LCORL: variants seen among roughly 807,000 people sequenced by gnomAD.
The protein encoded by LCORL is ligand dependent nuclear receptor corepressor like, also known as ligand-dependent nuclear receptor corepressor-like protein.
LCORL carries 41 observed loss-of-function variants against 141.8 expected under a neutral mutation model. That is an observed-to-expected ratio of 0.29 (90% CI 0.23 to 0.38). The LOEUF is 0.38. Ranked by LOEUF, LCORL falls within the 10% of genes least tolerant of loss-of-function variation. The pLI, the probability that LCORL is intolerant of heterozygous loss-of-function variation, is 1.00. For missense variants in LCORL, 1,759 were observed against 2,035.0 expected, an observed-to-expected ratio of 0.86 and a Z score of 2.61; for synonymous variants, 618 against 694.1, an observed-to-expected ratio of 0.89 and a Z score of 1.72.
In LCORL at chr4:18,001,974, CAT is replaced by C. The variant is rs552901277; in HGVS notation, c.154+19622_154+19623del. The stretch of plus-strand genomic sequence containing the variant: ...ATGTTTATCTATATCCATCCACACA[CAT>C]ATGTTTGTTTCTCTAAAATTCAGAT... On this transcript the variant is annotated intron_variant, in intron 1 of 7. Coordinates refer to ENST00000635767, the Ensembl canonical transcript of LCORL. 5.4e-3 allele frequency among the ~76,000 whole-genome samples: 823 copies of C among 152,310 alleles called. 2 individuals carry two copies. Among genetic ancestry groups the C allele is most frequent in the Non-Finnish European group, 8.5e-3 (579 of 68,002 alleles).
chr4:18,006,891 T>C (rs1451008743), intron 1 of LCORL, among the ~76,000 whole-genome samples: 1 of 152,178 alleles, frequency 6.6e-6, no homozygotes, highest in East Asian at 1.9e-4. Context: ...TATATCCTAC[T>C]CTGGATAATG....
chr4:17,884,796 A>C lies in LCORL; in HGVS notation c.776+1272T>G. Reference sequence around the variant, plus strand: ...ACGATGGTAAACTGATGCATGAGAGACTCTCACACAGCTATGGAAGGGGAG... The same window carrying C: ...ACGATGGTAAACTGATGCATGAGAGCCTCTCACACAGCTATGGAAGGGGAG... On this transcript the variant is annotated intron_variant, in intron 6 of 7. Coordinates refer to ENST00000635767, the Ensembl canonical transcript of LCORL. This position sits in a 1 kb window ranked among gnomAD's most constrained non-coding sequence, Gnocchi z 4.4. 9.2e-7 allele frequency: 1 copy of C among 1,085,544 alleles called. No homozygotes were observed. The allele number at this position is 1,085,544 out of a possible 1,614,324, so 67.2% of individuals were successfully genotyped here.
intron 1 of LCORL, among the ~76,000 whole-genome samples, chr4:17,999,139 A>T (rs530033781): frequency 7.1e-4 from 107 of 150,972 alleles, no homozygotes; most frequent in Non-Finnish European, 1.3e-3. Context: ...TTGTACTAGC[A>T]TTACTACAAA....
intron 5 of LCORL, chr4:17,893,652 G>A: frequency 1.1e-6 from 1 of 939,546 alleles, no homozygotes; most frequent in Non-Finnish European, 1.3e-6. Context: ...TTTTGCTACA[G>A]TAGGTAAAGC....
At chr4:17,942,659 T>A (rs1577493188) in intron 4 of LCORL, among the ~76,000 whole-genome samples, 1 of 152,194 alleles carries the variant, frequency 6.6e-6, no homozygotes, top group Admixed American at 6.5e-5. Context: ...AATATAACTA[T>A]GATACTTGCT....
chr4:17,992,143 A>AT (rs1162858279), intron 1 of LCORL, among the ~76,000 whole-genome samples: 5 of 152,358 alleles, frequency 3.3e-5, no homozygotes, highest in Admixed American at 3.3e-4. Context: ...AAGAGGGTTA[A>AT]TTGACTCACA....
At chr4:17,843,346 T>A in exon 8 of LCORL, 2 of 1,611,968 alleles carry the variant, frequency 1.2e-6, no homozygotes, top group Non-Finnish European at 1.7e-6. Context: ...AAGATGAGAC[T>A]ACCAAGACGA....
intron 5 of LCORL, among the ~76,000 whole-genome samples, chr4:17,896,575 C>T (rs1260611637): frequency 1.3e-5 from 2 of 152,142 alleles, no homozygotes; most frequent in African/African-American, 4.8e-5. Context: ...AGCCACCACG[C>T]CTGGCCTGTG....
intron 5 of LCORL, among the ~76,000 whole-genome samples, chr4:17,896,245 GTCTT>G (rs753778008): frequency 1.1e-4 from 17 of 152,006 alleles, no homozygotes; most frequent in Admixed American, 3.3e-4. Context: ...GTGAAACAAT[GTCTT>G]TCTTTCTTTC....
rs1317612030 is a variant in LCORL, at chr4:17,881,962, T to C, written c.777-3749A>G. On this transcript the variant is annotated intron_variant, in intron 6 of 7. Transcript: ENST00000635767. ...ACATCTGCTGTTCTGTAATCTATTA[T>C]GTATATTTTCTTGGGGTGAAAAAAA... 10 of 982,028 alleles carry C rather than the reference T, an allele frequency of 1.0e-5. No homozygotes were observed. In the East Asian group the frequency reaches 3.4e-4, roughly 34 times the overall value. 60.8% of individuals were successfully genotyped at this position (982,028 alleles called of 1,614,324 possible). A position where few individuals can be genotyped will look rare whatever the true frequency, so the allele number is the denominator to read the frequency against.
intron 4 of LCORL, among the ~76,000 whole-genome samples, chr4:17,910,884 A>T (rs536242992): frequency 6.6e-6 from 1 of 152,184 alleles, no homozygotes; most frequent in Non-Finnish European, 1.5e-5. Flanking sequence ...TGAAAGAGGG[A>T]ACTATGGGCC....
exon 7 of LCORL, chr4:17,873,708 T>C: frequency 2.4e-6 from 3 of 1,233,116 alleles, no homozygotes; most frequent in Non-Finnish European, 3.0e-6. Flanking sequence ...ATGAGTCTGA[T>C]GAGTATTTCC....
rs1051310361 is a variant in LCORL, at chr4:17,877,621, C to T, written c.1369G>A (p.Val457Ile). Residue 457 changes from valine to isoleucine, a missense_variant, in exon 7 of 8, where the codon GTC (valine) becomes ATC (isoleucine). Val to Ile is a conservative substitution (Grantham distance 29). Transcript: ENST00000635767. ...TCTAAGGCTGAAATCTCTGAGATGACGTCTTTCAATTTTTCAAATCCTTCA... is the reference window on the plus strand; with the variant it reads ...TCTAAGGCTGAAATCTCTGAGATGATGTCTTTCAATTTTTCAAATCCTTCA... 3.3e-5 allele frequency: 40 copies of T among 1,230,370 alleles called. No individual in the cohort carries two copies. The African/African-American group carries it at 4.5e-4, about 14-fold the overall frequency. 76.2% of individuals were successfully genotyped at this position (1,230,370 alleles called of 1,614,324 possible). A position where few individuals can be genotyped will look rare whatever the true frequency, so the allele number is the denominator to read the frequency against.
In LCORL at chr4:17,862,902, G is replaced by C. The variant is rs142745385; in HGVS notation, c.5602+10486C>G. Among the ~76,000 whole-genome samples, 3 of 152,300 alleles carry C rather than the reference G, an allele frequency of 2.0e-5. No homozygotes were observed. The East Asian group carries it at 5.8e-4, about 29-fold the overall frequency. ...ACCTAATTAAACTAAATTATCAATAGAGTAAACAGACAACTGACAGAATGG... is the reference window on the plus strand; with the variant it reads ...ACCTAATTAAACTAAATTATCAATACAGTAAACAGACAACTGACAGAATGG... On this transcript the variant is annotated intron_variant, in intron 7 of 7. Coordinates refer to ENST00000635767, the Ensembl canonical transcript of LCORL.
intron 4 of LCORL, among the ~76,000 whole-genome samples, chr4:17,956,244 T>C (rs375301242): frequency 6.6e-6 from 1 of 152,072 alleles, no homozygotes; most frequent in Non-Finnish European, 1.5e-5. Flanking sequence ...TAGAAAATAG[T>C]GCGGAGGTTT....
At chr4:17,988,963 G>C (rs1227145771) in intron 1 of LCORL, among the ~76,000 whole-genome samples, 1 of 152,182 alleles carries the variant, frequency 6.6e-6, no homozygotes, top group African/African-American at 2.4e-5. Context: ...CAGCCTGGGG[G>C]ACAGAGTGAG....
chr4:17,946,222 A>G (rs1738853521), intron 4 of LCORL, among the ~76,000 whole-genome samples: 2 of 151,960 alleles, frequency 1.3e-5, no homozygotes, highest in African/African-American at 4.8e-5. Context: ...TGACCAGTAA[A>G]CTGCTTTCAC....
At chr4:17,895,340 T>G (rs962111768) in intron 5 of LCORL, among the ~76,000 whole-genome samples, 2 of 152,138 alleles carry the variant, frequency 1.3e-5, no homozygotes, top group Admixed American at 1.3e-4. Flanking sequence ...TGGTAATCAC[T>G]ATTCTACTCT....
exon 7 of LCORL, chr4:17,875,335 G>T (rs1320114140): frequency 1.1e-5 from 13 of 1,231,266 alleles, no homozygotes; most frequent in Non-Finnish European, 1.3e-5. Context: ...TTCTTGATGG[G>T]TCTCACATAT....
Sources: allele counts gnomAD v4.1 joint callset (sites outside exome capture counted in the v4.1 genomes callset), GRCh38; gene constraint gnomAD v4.1.1; non-coding constraint Gnocchi (gnomAD v3.1); transcripts MANE v1.5; gene names NCBI Gene and HGNC (gene_info 2026-07-23, HGNC 2026-07-21).